CUBN: variants seen among roughly 807,000 people sequenced by gnomAD.
CUBN encodes the protein 460 kDa receptor.
A neutral mutation model predicts 405.3 loss-of-function variants in CUBN; 282 were observed. That is an observed-to-expected ratio of 0.70 (90% CI 0.63 to 0.77). The LOEUF (loss-of-function observed/expected upper bound fraction) is 0.77. Ranked by LOEUF, CUBN falls within the 30% of genes least tolerant of loss-of-function variation. The probability of loss-of-function intolerance (pLI) is 0.00; values close to 1 mark genes in which losing one functional copy is unlikely to be tolerated. For missense variants in CUBN, 4,514 were observed against 4,475.2 expected (o/e 1.01, Z -0.25); for synonymous variants, 1,684 against 1,617.0 (o/e 1.04, Z -0.99).
intron 36 of CUBN, among the ~76,000 whole-genome samples, chr10:16,941,069 T>G (rs958875668): frequency 2.6e-5 from 4 of 152,184 alleles, no homozygotes; most frequent in Non-Finnish European, 4.4e-5. Context: ...GTCTGGAACA[T>G]GTAGGTGCTA....
intron 41 of CUBN, among the ~76,000 whole-genome samples, 186 bp from the exon 42 acceptor site, chr10:16,925,960 T>A (rs1029327897): frequency 6.6e-6 from 1 of 152,156 alleles, no homozygotes; most frequent in African/African-American, 2.4e-5. Flanking sequence ...CTACTCAGTT[T>A]GTGGTGGTCA....
At chr10:16,999,829 C>T (rs911296867) in intron 28 of CUBN, among the ~76,000 whole-genome samples, 1 of 152,186 alleles carries the variant, frequency 6.6e-6, no homozygotes, top group Non-Finnish European at 1.5e-5. Context: ...GCTCAAAGAG[C>T]CTCCAGGGAC....
intron 17 of CUBN, among the ~76,000 whole-genome samples, chr10:17,083,848 G>A (rs796230288): frequency 1.3e-5 from 2 of 152,206 alleles, no homozygotes; most frequent in African/African-American, 4.8e-5. Context: ...GCCTGTCTCT[G>A]TTTCAAATAT....
chr10:17,045,292 A>G, intron 24 of CUBN, 104 bp from the exon 25 acceptor site: 1 of 1,080,580 alleles, frequency 9.3e-7, no homozygotes, highest in South Asian at 1.3e-5. Flanking sequence ...CTTTAAATCA[A>G]ATTGCACAGC....
intron 31 of CUBN, among the ~76,000 whole-genome samples, chr10:16,968,125 G>GATGA (rs1255429690): frequency 6.6e-6 from 1 of 152,138 alleles, no homozygotes; most frequent in Non-Finnish European, 1.5e-5. Flanking sequence ...GAAACCCAGA[G>GATGA]TTCTATTATT....
At chr10:17,023,714 A>G (rs1283635479) in intron 27 of CUBN, 2 of 425,940 alleles carry the variant, frequency 4.7e-6, no homozygotes, top group East Asian at 1.4e-4. Context: ...ACAATACTTG[A>G]AGTTCTAATT....
At position 17,067,937 on chromosome 10, in the gene CUBN, G is replaced by C. The variant is rs1260267686; in HGVS notation, c.3008+127C>G. 3 of 732,804 alleles carry C rather than the reference G, an allele frequency of 4.1e-6. No individual in the cohort carries two copies. The African/African-American group carries it at 5.3e-5, about 13-fold the overall frequency. The allele number at this position is 732,804 out of a possible 1,614,324, so 45.4% of individuals were successfully genotyped here. On this transcript the variant is annotated intron_variant, in intron 21 of 66. Coordinates refer to ENST00000377833, the MANE Select transcript of CUBN (RefSeq NM_001081.4). Reference sequence around the variant, plus strand: ...AACTACAGAGTAGTTATGTAGAAATGGTCATTAAGAAGCATGAGGATCTCA... The same window carrying C: ...AACTACAGAGTAGTTATGTAGAAATCGTCATTAAGAAGCATGAGGATCTCA...
intron 56 of CUBN, among the ~76,000 whole-genome samples, chr10:16,886,217 G>T (rs1422850258): frequency 6.6e-6 from 1 of 152,182 alleles, no homozygotes; most frequent in African/African-American, 2.4e-5. Flanking sequence ...CAACTGCAGA[G>T]ATGTATGAAA....
chr10:17,071,592 T>G lies in CUBN; in HGVS notation c.2459A>C (p.Glu820Ala), dbSNP rs1160105562. Residue 820 changes from glutamate (E) to alanine (A), a missense_variant, in exon 19 of 67, where the codon GAA (glutamate) becomes GCA (alanine). By Grantham distance (107) the Glu-to-Ala change is moderately radical. Around this residue, in one of 5 missense-constraint regions of CUBN, gnomAD observed 1,448 missense variants for 1,388.0 expected, o/e 1.04. Coordinates refer to ENST00000377833, the MANE Select transcript of CUBN (RefSeq NM_001081.4). Reference sequence around the variant, plus strand: ...GCGAATGACCCCTTCTCCAGTTAATTCATCCCCGCAAGCTGTAAGCATAAA... The same window carrying G: ...GCGAATGACCCCTTCTCCAGTTAATGCATCCCCGCAAGCTGTAAGCATAAA... Reference protein sequence around the residue: ...RAVYQVACGDELTGEGVIRSP... With the variant: ...RAVYQVACGDALTGEGVIRSP... 6.2e-7 allele frequency: 1 copy of G among 1,613,600 alleles called. No individual in the cohort carries two copies.
At chr10:16,990,596 G>C (rs1363509300) in intron 28 of CUBN, 81 bp from the exon 29 acceptor site, 3 of 1,257,198 alleles carry the variant, frequency 2.4e-6, no homozygotes, top group Non-Finnish European at 3.4e-6. Flanking sequence ...TCACCGAAAG[G>C]CCATCAAAAA....
chr10:16,990,212 C>T, intron 29 of CUBN, 122 bp downstream of exon 29: 2 of 960,298 alleles, frequency 2.1e-6, no homozygotes, highest in South Asian at 2.6e-5. Context: ...GGCTGATGCT[C>T]ATTAAAATGT....
intron 36 of CUBN, among the ~76,000 whole-genome samples, chr10:16,944,725 A>C (rs1842734106): frequency 6.6e-6 from 1 of 152,276 alleles, no homozygotes; most frequent in South Asian, 2.1e-4. Flanking sequence ...TAGCTGAGTC[A>C]TTACGATGTT....
Position 17,071,408 on chromosome 10 carries a change from A to G in CUBN, c.2625+18T>C. 6.2e-7 allele frequency: 1 copy of G among 1,612,620 alleles called. No individual in the cohort carries two copies. The highest frequency in any genetic ancestry group is 8.5e-7 in the Non-Finnish European group (1 of 1,178,826). ...AATATACAACCAAATACAAATTCAAAGATTTTTTCCCTCTTACCTCAACAT... is the reference window on the plus strand; with the variant it reads ...AATATACAACCAAATACAAATTCAAGGATTTTTTCCCTCTTACCTCAACAT... On this transcript the variant is annotated intron_variant, in intron 19 of 66. Transcript: ENST00000377833.
intron 7 of CUBN, among the ~76,000 whole-genome samples, chr10:17,114,857 T>C (rs1055753909): frequency 2.6e-5 from 4 of 152,172 alleles, no homozygotes; most frequent in African/African-American, 9.7e-5. Context: ...GACTGGTCCT[T>C]TTATATTCCT....
intron 40 of CUBN, among the ~76,000 whole-genome samples, chr10:16,928,532 CTT>C (rs35335421): frequency 1.9e-5 from 2 of 107,092 alleles, no homozygotes; most frequent in African/African-American, 3.6e-5. Context: ...CCACCCCCCC[CTT>C]TTTTTTTTTT....
chr10:17,064,564 C>T (rs1404284359), intron 22 of CUBN, among the ~76,000 whole-genome samples: 1 of 152,064 alleles, frequency 6.6e-6, no homozygotes. Flanking sequence ...TCACCATATG[C>T]CTACTATGGG....
chr10:17,045,723 G>T (rs1425695991), intron 24 of CUBN, among the ~76,000 whole-genome samples: 2 of 152,050 alleles, frequency 1.3e-5, no homozygotes, highest in Middle Eastern at 6.8e-3. Flanking sequence ...TTCTAACCAG[G>T]ATTCTTATTT....
chr10:17,127,525 G>A (rs1217615974), intron 3 of CUBN, among the ~76,000 whole-genome samples: 1 of 141,572 alleles, frequency 7.1e-6, no homozygotes, highest in Non-Finnish European at 1.5e-5. Flanking sequence ...CCCTCCCTCT[G>A]TGGCCTCCCA....
intron 17 of CUBN, among the ~76,000 whole-genome samples, chr10:17,076,134 GTGGGCCATTCCC>G (rs1835849173): frequency 6.6e-6 from 1 of 152,134 alleles, no homozygotes; most frequent in Non-Finnish European, 1.5e-5. Context: ...GCAAGCTAAA[GTGGGCCATTCCC>G]CTGGGCCCCA....
Sources: gnomAD v4.1 joint callset for allele counts (sites outside exome capture counted in the v4.1 genomes callset) on GRCh38, gnomAD v4.1.1 for gene constraint, gnomAD v4.1.1 regional missense constraint, MANE v1.5 for transcripts, NCBI Gene and HGNC (gene_info 2026-07-23, HGNC 2026-07-21) for gene names.